The following TRMT2B variants were observed in gnomAD, a reference collection of about 807,000 sequenced individuals.
The protein encoded by TRMT2B is tRNA (uracil-5-)-methyltransferase homolog B.
In TRMT2B, 34 loss-of-function variants were observed where a neutral mutation model predicts 39.7. That is an observed-to-expected ratio of 0.86 (90% CI 0.65 to 1.14). TRMT2B has a LOEUF of 1.14. TRMT2B is among the 50% of genes most tolerant of loss of function. The pLI, the probability that TRMT2B is intolerant of heterozygous loss-of-function variation, is 0.00. For missense variants in TRMT2B, 318 were observed against 377.2 expected (o/e 0.84, Z 1.30); for synonymous variants, 132 against 137.3 (o/e 0.96, Z 0.27).
chrX:100,981,455 G>A, the TRMT2B span, among the ~76,000 whole-genome samples: 1 of 109,980 alleles, frequency 9.1e-6, no homozygotes, highest in Admixed American at 9.7e-5. Flanking sequence ...AAAGGGTGGT[G>A]CTGGTGATTC....
At chrX:101,002,565 T>C in the TRMT2B span, among the ~76,000 whole-genome samples, 3 of 110,784 alleles carry the variant, frequency 2.7e-5, no homozygotes, top group African/African-American at 9.8e-5. Flanking sequence ...GGATAACCTA[T>C]GGTCAGGAGT....
rs183157452 is a variant in TRMT2B at position 101,032,423 on chromosome X, T to C, written c.609+3190A>G. 7.6e-3 allele frequency among the ~76,000 whole-genome samples: 809 copies of C among 106,513 alleles called. 16 individuals carry two copies. Among genetic ancestry groups the C allele is most frequent in the African/African-American group, 0.027 (774 of 29,038 alleles). 92.5% of individuals were successfully genotyped at this position (106,513 alleles called of 115,157 possible). On this transcript the variant is annotated intron_variant, in intron 7 of 13. Transcript: ENST00000372936. ...TAACACAGTGAAACCCCGTCTCTACTAAAAATACAAAAAATTAGCTAGGCG... is the reference window on the plus strand; with the variant it reads ...TAACACAGTGAAACCCCGTCTCTACCAAAAATACAAAAAATTAGCTAGGCG...
At chrX:101,002,435 G>A in the TRMT2B span, among the ~76,000 whole-genome samples, 1 of 111,838 alleles carries the variant, frequency 8.9e-6, no homozygotes, top group South Asian at 3.8e-4. Context: ...GGCTTTTTTG[G>A]AGGAACTCTA....
intron 2 of TRMT2B, among the ~76,000 whole-genome samples, chrX:101,050,188 C>T (rs1024772374): frequency 1.8e-5 from 2 of 111,989 alleles, no homozygotes; most frequent in Admixed American, 1.9e-4. Context: ...GGGTCCTTGT[C>T]CATCTAGGTC....
At chrX:101,012,981 C>T (rs950007508) in intron 13 of TRMT2B, among the ~76,000 whole-genome samples, 25 of 110,580 alleles carry the variant, frequency 2.3e-4, no homozygotes, top group African/African-American at 7.6e-4. Flanking sequence ...ACCACCACAC[C>T]CAGCTAATTT....
At chrX:100,989,592 G>A in the TRMT2B span, among the ~76,000 whole-genome samples, 1 of 104,565 alleles carries the variant, frequency 9.6e-6, no homozygotes, top group East Asian at 3.0e-4. Flanking sequence ...CCTGGCAACA[G>A]AGCGGGACTC....
At chrX:101,004,388 C>G (rs190052624), downstream of TRMT2B, among the ~76,000 whole-genome samples, 5 of 111,396 alleles carry the variant, frequency 4.5e-5, no homozygotes, top group East Asian at 1.4e-3. Context: ...CTACGTTACC[C>G]AGGCTGGGTC....
chrX:100,997,550 T>G, the TRMT2B span, among the ~76,000 whole-genome samples: 1 of 111,895 alleles, frequency 8.9e-6, no homozygotes, highest in Non-Finnish European at 1.9e-5. Context: ...CAAACAGGTT[T>G]CCTCTTAAGG....
chrX:100,973,984 T>A, the TRMT2B span: 1 of 558,231 alleles, frequency 1.8e-6, no homozygotes, highest in African/African-American at 2.3e-5. Context: ...CACCTTCTAC[T>A]GCTTTGGCTG....
chrX:101,036,781 T>G, intron 6 of TRMT2B, among the ~76,000 whole-genome samples, 193 bp downstream of exon 6: 1 of 112,006 alleles, frequency 8.9e-6, no homozygotes. Context: ...GGGCGAGGGT[T>G]GCATTTTCTA....
At chrX:101,040,932 C>T (rs749779957) in intron 4 of TRMT2B, among the ~76,000 whole-genome samples, 1 of 111,583 alleles carries the variant, frequency 9.0e-6, no homozygotes, top group African/African-American at 3.3e-5. Flanking sequence ...AGTCAAGGCC[C>T]GGCGCGGTGG....
chrX:101,033,030 C>T (rs1196897042), intron 7 of TRMT2B, among the ~76,000 whole-genome samples: 5 of 109,913 alleles, frequency 4.5e-5, no homozygotes, highest in Non-Finnish European at 9.5e-5. Flanking sequence ...CCAAGGTGGA[C>T]GAATCACCTG....
chrX:101,013,453 T>C (rs1336919866), intron 13 of TRMT2B, among the ~76,000 whole-genome samples: 1 of 110,748 alleles, frequency 9.0e-6, no homozygotes, highest in Non-Finnish European at 1.9e-5. Context: ...CAATAACTAA[T>C]GAGAAAATGT....
intron 7 of TRMT2B, among the ~76,000 whole-genome samples, chrX:101,030,131 G>A (rs779303258): frequency 6.3e-5 from 7 of 111,075 alleles, no homozygotes; most frequent in African/African-American, 1.6e-4. Flanking sequence ...ACAGTGGCAC[G>A]TGCCTATAGT....
chrX:101,045,138 T>C (rs2088559327), intron 2 of TRMT2B, among the ~76,000 whole-genome samples: 1 of 106,488 alleles, frequency 9.4e-6, no homozygotes. Flanking sequence ...GCCTGAGCAA[T>C]ATAGTGAGAC....
chrX:100,980,116 A>G, the TRMT2B span, among the ~76,000 whole-genome samples: 3 of 110,968 alleles, frequency 2.7e-5, no homozygotes, highest in South Asian at 1.2e-3. Context: ...CCTGATATTT[A>G]TTCAAGGCCC....
At chrX:100,994,743 T>C in the TRMT2B span, among the ~76,000 whole-genome samples, 1 of 111,657 alleles carries the variant, frequency 9.0e-6, no homozygotes. Flanking sequence ...GAGATTCAAG[T>C]GTTGGGTGTT....
the TRMT2B span, among the ~76,000 whole-genome samples, chrX:100,975,930 G>A: frequency 6.3e-5 from 7 of 110,968 alleles, no homozygotes; most frequent in South Asian, 2.3e-3. Context: ...CACTGCGCCC[G>A]GCGACATGTT....
the TRMT2B span, among the ~76,000 whole-genome samples, chrX:100,991,596 G>C: frequency 9.0e-6 from 1 of 111,326 alleles, no homozygotes; most frequent in South Asian, 3.8e-4. Context: ...GGATGGTCTC[G>C]ATCTCCTGAC....
Sources: gnomAD v4.1 joint callset for allele counts (sites outside exome capture counted in the v4.1 genomes callset) on GRCh38, gnomAD v4.1.1 for gene constraint, MANE v1.5 for transcripts, NCBI Gene and HGNC (gene_info 2026-07-23, HGNC 2026-07-21) for gene names.